The following GRID2 variants were observed in gnomAD, a reference collection of about 807,000 sequenced individuals.
The protein encoded by GRID2 is glutamate receptor ionotropic, delta-2.
A neutral mutation model predicts 114.8 loss-of-function variants in GRID2; 33 were observed. That is an observed-to-expected ratio of 0.29 (90% CI 0.22 to 0.38). The LOEUF (loss-of-function observed/expected upper bound fraction) is 0.38. GRID2 is among the 10% of genes least tolerant of loss of function. The pLI is 1.00. For synonymous variants in GRID2, 505 were observed against 449.9 expected (o/e 1.12, Z -1.55); for missense variants, 1,184 against 1,257.7 (o/e 0.94, Z 0.89).
At chr4:93,080,000 A>C (rs903264235) in intron 2 of GRID2, among the ~76,000 whole-genome samples, 1 of 152,146 alleles carries the variant, frequency 6.6e-6, no homozygotes, top group African/African-American at 2.4e-5. Context: ...TTACATATTA[A>C]GGCAAGCTTT....
In GRID2 at chr4:92,416,701, G is replaced by A. The variant is rs557621480; in HGVS notation, c.88+111957G>A. On this transcript the variant is annotated intron_variant, in intron 1 of 15. Coordinates refer to ENST00000282020, the MANE Select transcript of GRID2 (RefSeq NM_001510.4). The stretch of plus-strand genomic sequence containing the variant: ...CATGTTTTTGTTTGCTTTGTTGAAG[G>A]TCAGTTGGCTGTAAATATTTGGCTT... Among the ~76,000 whole-genome samples the A allele has an allele frequency of 7.9e-5, 12 of 152,064 alleles. No individual in the cohort carries two copies. In the South Asian group the frequency reaches 2.3e-3, roughly 29 times the overall value.
At chr4:93,636,062 A>G (rs1038680579) in intron 14 of GRID2, among the ~76,000 whole-genome samples, 1 of 152,184 alleles carries the variant, frequency 6.6e-6, no homozygotes, top group Non-Finnish European at 1.5e-5. Context: ...CATTCAGGGA[A>G]CACTATATTC....
At chr4:93,493,493 A>C (rs1206857610) in intron 12 of GRID2, among the ~76,000 whole-genome samples, 2 of 151,808 alleles carry the variant, frequency 1.3e-5, no homozygotes, top group African/African-American at 4.8e-5. Context: ...TGAGAGTCCA[A>C]TCCATGTCAA....
At chr4:93,106,415 C>T (rs202036848) in intron 3 of GRID2, among the ~76,000 whole-genome samples, 17 of 152,198 alleles carry the variant, frequency 1.1e-4, no homozygotes, top group East Asian at 5.8e-4. Context: ...GGTGCCATCT[C>T]GGCTCACTGC....
intron 8 of GRID2, among the ~76,000 whole-genome samples, chr4:93,323,668 C>T (rs545740404): frequency 3.9e-5 from 6 of 152,186 alleles, no homozygotes; most frequent in Non-Finnish European, 7.4e-5. Flanking sequence ...ATTGATTCTT[C>T]GTGTCCATGA....
chr4:93,683,804 T>C (rs1019383526), intron 14 of GRID2, among the ~76,000 whole-genome samples: 3 of 152,102 alleles, frequency 2.0e-5, no homozygotes, highest in African/African-American at 4.8e-5. Flanking sequence ...TTCAGGAGGT[T>C]ACAACACATA....
At chr4:93,061,514 A>G (rs942283744) in intron 2 of GRID2, among the ~76,000 whole-genome samples, 3 of 152,136 alleles carry the variant, frequency 2.0e-5, no homozygotes, top group South Asian at 2.1e-4. Context: ...TGGGCATTGC[A>G]ACATAATATG....
At chr4:93,010,460 C>T (rs1722017055) in intron 2 of GRID2, among the ~76,000 whole-genome samples, 1 of 151,988 alleles carries the variant, frequency 6.6e-6, no homozygotes. Context: ...GGAAGAGCTG[C>T]ACTGGGGAAG....
intron 7 of GRID2, 44 bp from the exon 8 acceptor site, chr4:93,238,327 T>A: frequency 1.4e-6 from 2 of 1,431,754 alleles, no homozygotes; most frequent in African/African-American, 1.4e-5. Flanking sequence ...TTATTTATTT[T>A]TTTACTTCTC....
At chr4:92,725,069 G>A (rs1736004080) in intron 2 of GRID2, among the ~76,000 whole-genome samples, 1 of 152,124 alleles carries the variant, frequency 6.6e-6, no homozygotes, top group Non-Finnish European at 1.5e-5. Context: ...AGGAGGCCGA[G>A]AGGGGTGGAT....
At chr4:92,632,862 T>A (rs1730878799) in intron 2 of GRID2, among the ~76,000 whole-genome samples, 1 of 152,300 alleles carries the variant, frequency 6.6e-6, no homozygotes, top group East Asian at 1.9e-4. Context: ...TTTCTCTTTA[T>A]GGCATGGCAA....
At chr4:92,965,224 T>A (rs1753060099) in intron 2 of GRID2, among the ~76,000 whole-genome samples, 1 of 151,756 alleles carries the variant, frequency 6.6e-6, no homozygotes, top group Non-Finnish European at 1.5e-5. Flanking sequence ...TAAGATCGAT[T>A]CATTTTGCCA....
intron 14 of GRID2, among the ~76,000 whole-genome samples, chr4:93,637,403 C>T (rs1721507601): frequency 6.6e-6 from 1 of 152,116 alleles, no homozygotes; most frequent in Non-Finnish European, 1.5e-5. Flanking sequence ...CAAAGCCAGG[C>T]TTTGAACCCA....
At chr4:92,733,086 TCCTC>T (rs1172975703) in intron 2 of GRID2, among the ~76,000 whole-genome samples, 1 of 149,090 alleles carries the variant, frequency 6.7e-6, no homozygotes, top group Non-Finnish European at 1.5e-5. Context: ...CTTCATGTCT[TCCTC>T]TCTCTCTCTC....
intron 2 of GRID2, among the ~76,000 whole-genome samples, chr4:92,855,387 A>G (rs1351257076): frequency 6.6e-6 from 1 of 151,876 alleles, no homozygotes; most frequent in Non-Finnish European, 1.5e-5. Context: ...TGTTATTATT[A>G]CTATATTTAT....
At chr4:92,748,632 GTATTATTATTATTATTATTAT>G (rs10673614) in intron 2 of GRID2, among the ~76,000 whole-genome samples, 45 of 137,758 alleles carry the variant, frequency 3.3e-4, no homozygotes, top group African/African-American at 8.6e-4. Context: ...TAATTAAATT[GTATTATTATTATTATTATTAT>G]TATTATTATT....
At chr4:92,551,288 G>T (rs905699232) in intron 1 of GRID2, among the ~76,000 whole-genome samples, 1 of 148,660 alleles carries the variant, frequency 6.7e-6, no homozygotes, top group African/African-American at 2.5e-5. Context: ...GTGTGTGTGT[G>T]TACACGCATT....
At chr4:92,507,892 A>T (rs920756121) in intron 1 of GRID2, among the ~76,000 whole-genome samples, 7 of 151,900 alleles carry the variant, frequency 4.6e-5, no homozygotes, top group African/African-American at 1.7e-4. Flanking sequence ...CATATGGTCC[A>T]TGCTTTGGGC....
intron 1 of GRID2, among the ~76,000 whole-genome samples, chr4:92,582,942 G>T (rs1007593567): frequency 6.6e-6 from 1 of 151,920 alleles, no homozygotes; most frequent in South Asian, 2.1e-4. Context: ...AGCCATGGCT[G>T]TATAATTACA....
Sources: gnomAD v4.1 joint callset for allele counts (sites outside exome capture counted in the v4.1 genomes callset) on GRCh38, gnomAD v4.1.1 for gene constraint, MANE v1.5 for transcripts, NCBI Gene and HGNC (gene_info 2026-07-23, HGNC 2026-07-21) for gene names.